Variants in DPP10 observed in about 807,000 individuals in gnomAD.
DPP10 encodes inactive dipeptidyl peptidase 10.
A neutral mutation model predicts 120.9 loss-of-function variants in DPP10; 33 were observed. The ratio of observed to expected loss-of-function variants is 0.27; its 90% confidence interval spans 0.21 to 0.37. DPP10 has a LOEUF of 0.37. Among genes scored for constraint, DPP10 ranks in the 10% least tolerant of loss-of-function variants. The pLI, the probability that DPP10 is intolerant of heterozygous loss-of-function variation, is 1.00. For synonymous variants in DPP10, 337 were observed against 326.1 expected, an observed-to-expected ratio of 1.03 and a Z score of -0.36; for missense variants, 816 against 942.8, an observed-to-expected ratio of 0.87 and a Z score of 1.76.
intron 1 of DPP10, among the ~76,000 whole-genome samples, chr2:114,932,760 T>C (rs1696172912): frequency 6.6e-6 from 1 of 152,222 alleles, no homozygotes; most frequent in Admixed American, 6.5e-5. Context: ...TGTATACATT[T>C]ATACATGTGT....
intron 1 of DPP10, among the ~76,000 whole-genome samples, chr2:114,663,668 T>TAGAGAGAGAGAGAGAGAGAGAG (rs1553479098): frequency 2.0e-3 from 165 of 80,666 alleles, no homozygotes; most frequent in African/African-American, 5.6e-3. Context: ...TATATATATA[T>TAGAGAGAGAGAGAGAGAGAGAG]AGAGAGAGAG....
At chr2:115,265,743 T>C (rs2059432797) in intron 1 of DPP10, among the ~76,000 whole-genome samples, 1 of 152,042 alleles carries the variant, frequency 6.6e-6, no homozygotes, top group Non-Finnish European at 1.5e-5. Context: ...TCCAGTATTA[T>C]TAAATGCCAA....
At chr2:115,620,840 A>G (rs1250581180) in intron 5 of DPP10, among the ~76,000 whole-genome samples, 1 of 152,188 alleles carries the variant, frequency 6.6e-6, no homozygotes, top group Non-Finnish European at 1.5e-5. Flanking sequence ...ACTTTTTGAG[A>G]GCGAAGAAAG....
At chr2:114,511,008 G>A (rs955241318) in intron 1 of DPP10, among the ~76,000 whole-genome samples, 5 of 152,228 alleles carry the variant, frequency 3.3e-5, no homozygotes, top group Admixed American at 3.3e-4. Context: ...GACGCATTCA[G>A]GGATGATGGG....
chr2:115,326,903 T>G lies in DPP10; in HGVS notation c.176-16914T>G, dbSNP rs555485124. Among the ~76,000 whole-genome samples, 34 of 151,986 alleles carry G rather than the reference T, an allele frequency of 2.2e-4. No individual in the cohort carries two copies. The South Asian group carries it at 6.9e-3, about 31-fold the overall frequency. On this transcript the variant is annotated intron_variant, in intron 2 of 25. Transcript: ENST00000410059. ...TAATCTACTACTAAAGAAAGAAAAT[T>G]TTTTAATGCATTTAATGTAGACTGT...
At chr2:115,156,704 G>T (rs2051937902) in intron 1 of DPP10, among the ~76,000 whole-genome samples, 1 of 152,122 alleles carries the variant, frequency 6.6e-6, no homozygotes. Flanking sequence ...TGAATCATTA[G>T]GGAATCTTGT....
intron 12 of DPP10, among the ~76,000 whole-genome samples, chr2:115,765,556 A>G (rs1305482970): frequency 1.3e-5 from 2 of 152,188 alleles, no homozygotes; most frequent in Non-Finnish European, 1.5e-5. Flanking sequence ...GCCATGATAA[A>G]GATGAAAACA....
intron 3 of DPP10, among the ~76,000 whole-genome samples, chr2:115,498,381 G>A (rs67676649): frequency 0.21 from 32,284 of 152,002 alleles, 3,945 homozygotes; most frequent in East Asian, 0.39. Context: ...TCTGCCAAAA[G>A]TGTCAGACAC....
At chr2:115,810,105 T>G (rs138522877) in intron 19 of DPP10, among the ~76,000 whole-genome samples, 2,751 of 150,166 alleles carry the variant, frequency 0.018, 85 homozygotes, top group African/African-American at 0.062. Context: ...GATCTGGCAG[T>G]GAGCCGAGAT....
At chr2:115,491,177 A>G (rs1048511917) in intron 3 of DPP10, among the ~76,000 whole-genome samples, 1 of 152,130 alleles carries the variant, frequency 6.6e-6, no homozygotes, top group Admixed American at 6.6e-5. Context: ...AAACCAAACG[A>G]AAGAACTATT....
At chr2:115,542,541 G>T (rs2079235642) in intron 5 of DPP10, among the ~76,000 whole-genome samples, 1 of 151,908 alleles carries the variant, frequency 6.6e-6, no homozygotes, top group South Asian at 2.1e-4. Flanking sequence ...TGACACCTAA[G>T]TGTCGACCTA....
intron 2 of DPP10, among the ~76,000 whole-genome samples, chr2:115,337,531 C>T (rs1006407594): frequency 3.3e-5 from 5 of 151,534 alleles, no homozygotes; most frequent in East Asian, 3.9e-4. Flanking sequence ...TCAACATTGC[C>T]GAGCCTGTTT....
At chr2:114,738,011 A>G (rs935010606) in intron 1 of DPP10, among the ~76,000 whole-genome samples, 1 of 152,212 alleles carries the variant, frequency 6.6e-6, no homozygotes, top group Admixed American at 6.5e-5. Context: ...GAAACTTACA[A>G]TCATGACGGA....
intron 1 of DPP10, among the ~76,000 whole-genome samples, chr2:115,127,843 T>G (rs934321855): frequency 6.6e-6 from 1 of 152,174 alleles, no homozygotes; most frequent in Non-Finnish European, 1.5e-5. Context: ...TGTGTGAACA[T>G]GTGTACACTT....
chr2:115,789,644 T>C (rs1314367778), intron 17 of DPP10, among the ~76,000 whole-genome samples: 2 of 152,092 alleles, frequency 1.3e-5, no homozygotes, highest in African/African-American at 2.4e-5. Context: ...CAAAGAAATA[T>C]ATGCAGTAAA....
In DPP10 at chr2:115,501,877, A is replaced by C. The variant is rs1029415072; in HGVS notation, c.366+2273A>C. On this transcript the variant is annotated intron_variant, in intron 4 of 25. Coordinates refer to ENST00000410059, the MANE Select transcript of DPP10 (RefSeq NM_020868.6). ...TCTCTTCCAGGAAACTCTGTTGAAAAATATATTTTATTGAAACATATTGCT... is the reference window on the plus strand; with the variant it reads ...TCTCTTCCAGGAAACTCTGTTGAAACATATATTTTATTGAAACATATTGCT... Among the ~76,000 whole-genome samples the C allele has an allele frequency of 1.5e-4, 23 of 152,236 alleles. 1 individual carries two copies. The South Asian group carries it at 2.5e-3, about 16-fold the overall frequency.
chr2:115,777,528 G>A (rs1682260102), intron 14 of DPP10, among the ~76,000 whole-genome samples: 2 of 152,072 alleles, frequency 1.3e-5, no homozygotes, highest in African/African-American at 4.8e-5. Flanking sequence ...CACAGTGATT[G>A]AGAGAGGTTA....
intron 4 of DPP10, among the ~76,000 whole-genome samples, chr2:115,509,504 G>A (rs1258361434): frequency 1.3e-5 from 2 of 151,964 alleles, no homozygotes; most frequent in Non-Finnish European, 2.9e-5. Flanking sequence ...TAACTAAGTG[G>A]GGAAATCTAT....
At chr2:115,326,605 C>T (rs979942539) in intron 2 of DPP10, among the ~76,000 whole-genome samples, 4 of 151,728 alleles carry the variant, frequency 2.6e-5, no homozygotes, top group African/African-American at 9.7e-5. Flanking sequence ...CCTTATTTAC[C>T]CTGAAGACCT....
Sources: gnomAD v4.1 joint callset for allele counts (sites outside exome capture counted in the v4.1 genomes callset) on GRCh38, gnomAD v4.1.1 for gene constraint, MANE v1.5 for transcripts, NCBI Gene and HGNC (gene_info 2026-07-23, HGNC 2026-07-21) for gene names.